The following DIAPH2 variants were observed in gnomAD, a reference collection of about 807,000 sequenced individuals.
The protein encoded by DIAPH2 is diaphanous related formin 2.
DIAPH2 carries 35 observed loss-of-function variants against 92.7 expected under a neutral mutation model. That is an observed-to-expected ratio of 0.38 (90% CI 0.29 to 0.50). DIAPH2 has a LOEUF of 0.50. Ranked by LOEUF, DIAPH2 falls within the 20% of genes least tolerant of loss-of-function variation. The pLI, the probability that DIAPH2 is intolerant of heterozygous loss-of-function variation, is 0.94. For synonymous variants in DIAPH2, 301 were observed against 280.4 expected (o/e 1.07, Z -0.73); for missense variants, 701 against 819.5 (o/e 0.86, Z 1.77).
intron 26 of DIAPH2, among the ~76,000 whole-genome samples, chrX:97,509,798 T>G (rs1278913396): frequency 8.2e-5 from 9 of 109,801 alleles, no homozygotes; most frequent in African/African-American, 1.3e-4. Flanking sequence ...TGAGAATGAT[T>G]ATTTCCAATT....
chrX:97,284,090 G>A (rs984633014), intron 23 of DIAPH2, among the ~76,000 whole-genome samples: 1 of 112,401 alleles, frequency 8.9e-6, no homozygotes, highest in Non-Finnish European at 1.9e-5. Flanking sequence ...TCACGAGTAT[G>A]TCTGGGGAGT....
intron 24 of DIAPH2, among the ~76,000 whole-genome samples, chrX:97,373,704 T>C (rs1177990347): frequency 9.5e-6 from 1 of 105,254 alleles, no homozygotes; most frequent in Non-Finnish European, 1.9e-5. Flanking sequence ...CCTCCCAGGT[T>C]CAAGCGATTC....
chrX:96,971,611 A>G (rs920964853), intron 17 of DIAPH2, among the ~76,000 whole-genome samples: 1 of 111,692 alleles, frequency 9.0e-6, no homozygotes, highest in Non-Finnish European at 1.9e-5. Flanking sequence ...AATCAAAACC[A>G]AACAAAATTC....
chrX:97,107,991 A>C (rs1043329096), intron 20 of DIAPH2, among the ~76,000 whole-genome samples: 1 of 108,909 alleles, frequency 9.2e-6, no homozygotes, highest in Admixed American at 9.9e-5. Context: ...TGATTTTTAC[A>C]TTTGTGCTCT....
intron 17 of DIAPH2, among the ~76,000 whole-genome samples, chrX:97,039,479 C>T (rs1335635254): frequency 9.0e-6 from 1 of 111,373 alleles, no homozygotes; most frequent in Non-Finnish European, 1.9e-5. Flanking sequence ...AAAAATTTTG[C>T]ATTAGTTACT....
intron 24 of DIAPH2, among the ~76,000 whole-genome samples, chrX:97,356,999 C>A (rs966414606): frequency 4.5e-5 from 5 of 111,709 alleles, no homozygotes; most frequent in African/African-American, 1.6e-4. Context: ...TCAATGCCAC[C>A]TTTTCCTATT....
intron 26 of DIAPH2, among the ~76,000 whole-genome samples, chrX:97,463,639 C>A (rs1394712113): frequency 9.0e-6 from 1 of 111,126 alleles, no homozygotes; most frequent in Non-Finnish European, 1.9e-5. Flanking sequence ...GATCTGCCCA[C>A]CTCAGCCTCC....
intron 4 of DIAPH2, among the ~76,000 whole-genome samples, chrX:96,861,659 G>A (rs1045990860): frequency 6.3e-5 from 7 of 111,411 alleles, no homozygotes; most frequent in African/African-American, 1.3e-4. Context: ...ATTTCACTTC[G>A]CTGGATTAAG....
intron 17 of DIAPH2, among the ~76,000 whole-genome samples, chrX:96,980,457 A>AG (rs1447308673): frequency 1.8e-5 from 2 of 110,493 alleles, no homozygotes; most frequent in African/African-American, 6.6e-5. Context: ...AGTGGAACCT[A>AG]GGGTTTTTAT....
chrX:97,135,045 A>C (rs1317103362), intron 21 of DIAPH2, among the ~76,000 whole-genome samples: 1 of 111,932 alleles, frequency 8.9e-6, no homozygotes, highest in Non-Finnish European at 1.9e-5. Flanking sequence ...TACTGAATAA[A>C]ATTGATATAG....
intron 26 of DIAPH2, among the ~76,000 whole-genome samples, chrX:97,492,981 T>C (rs2070734361): frequency 8.9e-6 from 1 of 112,573 alleles, no homozygotes; most frequent in Admixed American, 9.4e-5. Flanking sequence ...ATAAGCTTTT[T>C]CCCCTGACTA....
In DIAPH2 at chrX:97,117,915, A is replaced by G. The variant is rs1197156215; in HGVS notation, c.2589+2950A>G. On this transcript the variant is annotated intron_variant, in intron 21 of 26. Transcript: ENST00000324765. ...ATGTTAGCTTAGCCTGTTGGTTATT[A>G]AAATTCTAACCAATAGAAATGCTAC... Among the ~76,000 whole-genome samples the G allele has an allele frequency of 8.0e-5, 9 of 111,887 alleles. No individual in the cohort carries two copies. The Admixed American group carries it at 8.5e-4, about 11-fold the overall frequency.
intron 23 of DIAPH2, among the ~76,000 whole-genome samples, chrX:97,282,962 G>A (rs2068511108): frequency 9.0e-6 from 1 of 111,217 alleles, no homozygotes; most frequent in Admixed American, 9.6e-5. Flanking sequence ...TTAACCCACT[G>A]GGACATTAGG....
At position 97,583,914 on chromosome X, in the gene DIAPH2, C is replaced by T. The variant is rs184468765; in HGVS notation, c.3242-15339C>T. On this transcript the variant is annotated intron_variant, in intron 26 of 26. Transcript: ENST00000324765. Reference sequence around the variant, plus strand: ...AAGCCCTTCGGAAAAGCGCAGTATTCGGGTGGGAGTGACCCGATTTTCCAG... The same window carrying T: ...AAGCCCTTCGGAAAAGCGCAGTATTTGGGTGGGAGTGACCCGATTTTCCAG... Among the ~76,000 whole-genome samples the T allele has an allele frequency of 5.3e-5, 6 of 112,375 alleles. 1 individual carries two copies. The highest frequency in any genetic ancestry group is 4.7e-3 in the Middle Eastern group (1 of 214).
At chrX:96,888,825 C>T (rs1274442941) in intron 5 of DIAPH2, among the ~76,000 whole-genome samples, 2 of 108,403 alleles carry the variant, frequency 1.8e-5, no homozygotes, top group African/African-American at 6.7e-5. Flanking sequence ...GTAATTTGCG[C>T]CATATTAAAG....
intron 26 of DIAPH2, among the ~76,000 whole-genome samples, chrX:97,518,360 G>A (rs1034530393): frequency 9.0e-5 from 10 of 111,300 alleles, no homozygotes; most frequent in African/African-American, 3.3e-4. Context: ...AGGAGATAAA[G>A]TAATAGCGTA....
chrX:96,971,045 G>A (rs1050940910), intron 17 of DIAPH2, among the ~76,000 whole-genome samples: 2 of 111,335 alleles, frequency 1.8e-5, no homozygotes, highest in African/African-American at 6.5e-5. Flanking sequence ...GAGCATTTAC[G>A]CTTTTGATTA....
intron 4 of DIAPH2, among the ~76,000 whole-genome samples, chrX:96,837,602 C>A (rs1291002832): frequency 9.0e-6 from 1 of 111,080 alleles, no homozygotes; most frequent in Non-Finnish European, 1.9e-5. Context: ...TTCTTTATTC[C>A]TCCCTCTGTG....
chrX:97,078,103 G>A (rs144549927), intron 19 of DIAPH2, among the ~76,000 whole-genome samples: 1,221 of 111,692 alleles, frequency 0.011, 8 homozygotes, highest in Middle Eastern at 0.041. Context: ...CACATATAGA[G>A]CATTGACAGA....
Sources: allele counts gnomAD v4.1 joint callset (sites outside exome capture counted in the v4.1 genomes callset), GRCh38; gene constraint gnomAD v4.1.1; transcripts MANE v1.5; gene names NCBI Gene and HGNC (gene_info 2026-07-23, HGNC 2026-07-21).